Variants in SMYD3 observed in about 807,000 individuals in gnomAD.
SMYD3 encodes the protein histone-lysine N-methyltransferase SMYD3.
In SMYD3, 36 loss-of-function variants were observed where a neutral mutation model predicts 57.7. The observed-to-expected ratio is 0.62, with a 90% CI of 0.48 to 0.82. SMYD3 has a LOEUF of 0.82. SMYD3 is among the 40% of genes least tolerant of loss of function. The pLI is 0.00. For missense variants in SMYD3, 515 were observed against 538.8 expected (o/e 0.96, Z 0.44); for synonymous variants, 211 against 195.0 (o/e 1.08, Z -0.68).
intron 5 of SMYD3, among the ~76,000 whole-genome samples, chr1:246,283,981 C>T (rs1488652422): frequency 6.6e-6 from 1 of 152,140 alleles, no homozygotes; most frequent in Non-Finnish European, 1.5e-5. Context: ...GCATATCAAC[C>T]AGTAGAAAAA....
In SMYD3 at chr1:245,954,430, T is replaced by C. The variant is rs138902923; in HGVS notation, c.532-24493A>G. On this transcript the variant is annotated intron_variant, in intron 5 of 11. Transcript: ENST00000490107. ...CTCACACACCTGTAATCTTAGCACT[T>C]TGGGAGACTGAGGCGGGCAGATTAC... 1.7e-3 allele frequency among the ~76,000 whole-genome samples: 255 copies of C among 152,216 alleles called. 2 individuals carry two copies. Among genetic ancestry groups the C allele is most frequent in the African/African-American group, 5.9e-3 (244 of 41,534 alleles).
intron 8 of SMYD3, among the ~76,000 whole-genome samples, chr1:245,895,637 C>T (rs181398885): frequency 3.3e-5 from 5 of 152,346 alleles, no homozygotes; most frequent in Admixed American, 3.3e-4. Context: ...AACATTCTTT[C>T]ATTTCTTCTT....
At chr1:245,998,452 A>G (rs2058973519) in intron 5 of SMYD3, among the ~76,000 whole-genome samples, 1 of 152,316 alleles carries the variant, frequency 6.6e-6, no homozygotes, top group South Asian at 2.1e-4. Flanking sequence ...TTACTAGCCA[A>G]TATTTCCATG....
intron 5 of SMYD3, among the ~76,000 whole-genome samples, chr1:246,039,957 C>T (rs2059839687): frequency 6.6e-6 from 1 of 152,154 alleles, no homozygotes; most frequent in Admixed American, 6.6e-5. Flanking sequence ...AAAGTAACAA[C>T]ATTAACGCAG....
chr1:246,337,894 T>C (rs1471327839), intron 2 of SMYD3, among the ~76,000 whole-genome samples: 1 of 152,222 alleles, frequency 6.6e-6, no homozygotes, highest in African/African-American at 2.4e-5. Context: ...GATGACAGCA[T>C]TTGGAATTAA....
chr1:246,033,316 C>G (rs920696940), intron 5 of SMYD3, among the ~76,000 whole-genome samples: 1 of 152,086 alleles, frequency 6.6e-6, no homozygotes, highest in African/African-American at 2.4e-5. Context: ...ACTGCATTTT[C>G]TATTTATACA....
intron 2 of SMYD3, among the ~76,000 whole-genome samples, chr1:246,341,463 C>A (rs1029823321): frequency 6.6e-6 from 1 of 152,016 alleles, no homozygotes; most frequent in Non-Finnish European, 1.5e-5. Flanking sequence ...ATTAAGTACA[C>A]CTTGCATGAA....
intron 10 of SMYD3, among the ~76,000 whole-genome samples, chr1:245,817,311 T>A (rs560879018): frequency 7.0e-6 from 1 of 143,162 alleles, no homozygotes; most frequent in Non-Finnish European, 1.5e-5. Context: ...TGGCAGGGTA[T>A]TCCAACAGCC....
chr1:246,446,857 G>A (rs113975753), intron 1 of SMYD3, among the ~76,000 whole-genome samples: 2,629 of 152,032 alleles, frequency 0.017, 32 homozygotes, highest in Non-Finnish European at 0.024. Context: ...ATGAAACCCC[G>A]TCTCTACTAA....
rs968178258 is a variant in SMYD3, at chr1:246,328,923, G to A, written c.394+1557C>T. Among the ~76,000 whole-genome samples, 162 of 150,154 alleles carry A rather than the reference G, an allele frequency of 1.1e-3. 1 individual carries two copies. Among genetic ancestry groups the A allele is most frequent in the African/African-American group, 3.7e-3 (152 of 40,784 alleles). ...TTCTCATTGTTCAATTCCCACCTACGAGTGAGAATATGCGGTGTTTGGTTT... is the reference window on the plus strand; with the variant it reads ...TTCTCATTGTTCAATTCCCACCTACAAGTGAGAATATGCGGTGTTTGGTTT... On this transcript the variant is annotated intron_variant, in intron 4 of 11. Coordinates refer to ENST00000490107, the MANE Select transcript of SMYD3 (RefSeq NM_001167740.2).
chr1:246,335,477 A>G lies in SMYD3; in HGVS notation c.229-3T>C, dbSNP rs1207990980. 4 of 1,613,906 alleles carry G rather than the reference A, an allele frequency of 2.5e-6. No homozygotes were observed. The highest frequency in any genetic ancestry group is 1.1e-5 in the South Asian group (1 of 91,070). ...TTGTGGTCTGGCCAAGCTTTTTTCT[A>G]TTAAAACAAGAGTGGGGAGAACATA... On this transcript the variant is annotated splice_region_variant and splice_polypyrimidine_tract_variant and intron_variant, in intron 2 of 11. Coordinates refer to ENST00000490107, the MANE Select transcript of SMYD3 (RefSeq NM_001167740.2).
chr1:245,893,745 G>A (rs896779337), intron 8 of SMYD3, among the ~76,000 whole-genome samples: 2 of 95,864 alleles, frequency 2.1e-5, no homozygotes, highest in African/African-American at 8.5e-5. Flanking sequence ...GTGATAGAAC[G>A]CTTCTCTATC....
chr1:246,155,595 T>C (rs2062009779), intron 5 of SMYD3, among the ~76,000 whole-genome samples: 1 of 152,234 alleles, frequency 6.6e-6, no homozygotes, highest in Non-Finnish European at 1.5e-5. Flanking sequence ...TATTGGTTCA[T>C]CTTTCACCAA....
intron 1 of SMYD3, among the ~76,000 whole-genome samples, chr1:246,506,650 C>G (rs971573397): frequency 3.3e-5 from 5 of 152,176 alleles, no homozygotes; most frequent in African/African-American, 1.2e-4. Flanking sequence ...CATCCCAGCT[C>G]CCACCCAGCC....
At chr1:246,173,130 G>A (rs2062371533) in intron 5 of SMYD3, among the ~76,000 whole-genome samples, 1 of 144,624 alleles carries the variant, frequency 6.9e-6, no homozygotes, top group African/African-American at 2.6e-5. Flanking sequence ...GGCTACACAG[G>A]CCTAGAACAC....
chr1:246,345,891 C>T (rs1324666822), intron 2 of SMYD3, among the ~76,000 whole-genome samples: 1 of 152,138 alleles, frequency 6.6e-6, no homozygotes, highest in African/African-American at 2.4e-5. Context: ...CCCAGGATCC[C>T]CTGATATTAC....
intron 10 of SMYD3, among the ~76,000 whole-genome samples, chr1:245,816,521 A>AT: frequency 6.7e-6 from 1 of 150,106 alleles, no homozygotes; most frequent in Non-Finnish European, 1.5e-5. Context: ...TCTATGTAAA[A>AT]AAAAAAAAAA....
At chr1:246,425,629 G>C (rs1049717263) in intron 1 of SMYD3, among the ~76,000 whole-genome samples, 4 of 152,174 alleles carry the variant, frequency 2.6e-5, no homozygotes, top group African/African-American at 9.7e-5. Flanking sequence ...ATTCCATGTA[G>C]CTTCACAAAA....
At chr1:246,495,962 C>CAAA (rs1364660585) in intron 1 of SMYD3, among the ~76,000 whole-genome samples, 86 of 109,050 alleles carry the variant, frequency 7.9e-4, no homozygotes, top group African/African-American at 2.5e-3. Flanking sequence ...GACTTCACCT[C>CAAA]AAAAAATAAT....
Sources: allele counts gnomAD v4.1 joint callset (sites outside exome capture counted in the v4.1 genomes callset), GRCh38; gene constraint gnomAD v4.1.1; transcripts MANE v1.5; gene names NCBI Gene and HGNC (gene_info 2026-07-23, HGNC 2026-07-21).